The following TRAPPC9 variants were observed in gnomAD, a reference collection of about 807,000 sequenced individuals.
TRAPPC9 encodes trafficking protein particle complex subunit 9.
A neutral mutation model predicts 124.0 loss-of-function variants in TRAPPC9; 83 were observed. That is an observed-to-expected ratio of 0.67 (90% CI 0.56 to 0.80). The LOEUF is 0.80. TRAPPC9 is among the 30% of genes least tolerant of loss of function. The pLI is 0.00. For synonymous variants in TRAPPC9, 638 were observed against 617.5 expected (o/e 1.03, Z -0.49); for missense variants, 1,302 against 1,508.3 (o/e 0.86, Z 2.27).
At chr8:139,759,142 A>G (rs916252777) in intron 21 of TRAPPC9, among the ~76,000 whole-genome samples, 29 of 152,308 alleles carry the variant, frequency 1.9e-4, no homozygotes, top group Admixed American at 1.7e-3. Flanking sequence ...CCCATTTCAC[A>G]GATGAGGAAA....
At chr8:140,458,500 C>A (rs747759911), upstream of TRAPPC9, 2 of 1,578,728 alleles carry the variant, frequency 1.3e-6, no homozygotes, top group East Asian at 2.4e-5. Flanking sequence ...ACGTGAGGTG[C>A]GAGCCCCAGC....
intron 17 of TRAPPC9, among the ~76,000 whole-genome samples, chr8:140,149,653 C>T (rs1448758541): frequency 1.3e-5 from 2 of 151,838 alleles, no homozygotes; most frequent in South Asian, 2.1e-4. Context: ...TTATTCCCTG[C>T]GATTAGTGAC....
At chr8:139,803,450 T>C (rs890273021) in intron 21 of TRAPPC9, among the ~76,000 whole-genome samples, 7 of 152,198 alleles carry the variant, frequency 4.6e-5, no homozygotes, top group Non-Finnish European at 8.8e-5. Flanking sequence ...AGCCACCTCA[T>C]GCGGGAGCCC....
intron 19 of TRAPPC9, among the ~76,000 whole-genome samples, chr8:139,988,239 A>G (rs1165343584): frequency 1.3e-5 from 2 of 150,474 alleles, no homozygotes; most frequent in Non-Finnish European, 2.9e-5. Flanking sequence ...CAGCCTCCCG[A>G]GTAGCTGGGA....
intron 9 of TRAPPC9, among the ~76,000 whole-genome samples, chr8:140,335,174 G>T (rs1301318964): frequency 6.6e-6 from 1 of 152,130 alleles, no homozygotes; most frequent in African/African-American, 2.4e-5. Context: ...TTAAGGAAGA[G>T]AATGTGATTT....
intron 21 of TRAPPC9, among the ~76,000 whole-genome samples, chr8:139,736,800 C>T (rs1322669593): frequency 6.6e-6 from 1 of 152,212 alleles, no homozygotes; most frequent in Non-Finnish European, 1.5e-5. Flanking sequence ...TCCATTGTTG[C>T]CAATTCGCTT....
chr8:140,006,784 AG>A (rs1838785597), intron 18 of TRAPPC9, among the ~76,000 whole-genome samples: 1 of 152,200 alleles, frequency 6.6e-6, no homozygotes, highest in South Asian at 2.1e-4. Flanking sequence ...GAGAGACAGA[AG>A]GTAGATTAGT....
chr8:140,116,456 C>T (rs2060889719), intron 17 of TRAPPC9, among the ~76,000 whole-genome samples: 1 of 152,182 alleles, frequency 6.6e-6, no homozygotes, highest in Admixed American at 6.5e-5. Context: ...GCCAACTAAG[C>T]ACTCATTTTC....
intron 17 of TRAPPC9, among the ~76,000 whole-genome samples, chr8:140,051,330 C>G (rs905728015): frequency 6.6e-6 from 1 of 152,186 alleles, no homozygotes; most frequent in Non-Finnish European, 1.5e-5. Flanking sequence ...ATCTGAACCC[C>G]GGGGGTTCCT....
intron 17 of TRAPPC9, among the ~76,000 whole-genome samples, chr8:140,144,264 A>G (rs2061424037): frequency 6.6e-6 from 1 of 152,176 alleles, no homozygotes; most frequent in African/African-American, 2.4e-5. Flanking sequence ...CAATTCATCA[A>G]TAGAGAGTAA....
chr8:139,827,447 CT>C (rs1239557579), intron 21 of TRAPPC9, among the ~76,000 whole-genome samples: 1 of 152,242 alleles, frequency 6.6e-6, no homozygotes, highest in African/African-American at 2.4e-5. Context: ...TGGGAACCCC[CT>C]GATGGGGACT....
At chr8:140,099,292 G>A (rs1175896825) in intron 17 of TRAPPC9, 1 of 151,090 alleles carries the variant, frequency 6.6e-6, no homozygotes, top group Non-Finnish European at 1.5e-5. Flanking sequence ...TTCTGCAAGG[G>A]AGACACCCAG....
rs1333383745 is a variant in TRAPPC9, at chr8:139,788,413, C to T, written c.3056-56211G>A. The stretch of plus-strand genomic sequence containing the variant: ...CAAAACTGTTAACTATCAGGCAGGG[C>T]AAGGATGGCGGCTGCTGGGGAGGGA... On this transcript the variant is annotated intron_variant, in intron 21 of 22. Coordinates refer to ENST00000438773, the MANE Select transcript of TRAPPC9 (RefSeq NM_001160372.4). This position sits in a 1 kb window ranked among gnomAD's most constrained non-coding sequence, Gnocchi z 4.9. Among the ~76,000 whole-genome samples the T allele has an allele frequency of 6.6e-6, 1 of 152,218 alleles. No homozygotes were observed. Among genetic ancestry groups the T allele is most frequent in the African/African-American group, 2.4e-5 (1 of 41,438 alleles).
chr8:140,358,304 C>G (rs1176955614), intron 9 of TRAPPC9, among the ~76,000 whole-genome samples: 1 of 152,188 alleles, frequency 6.6e-6, no homozygotes, highest in African/African-American at 2.4e-5. Context: ...CTCCTGGGTT[C>G]AAGTTATTCT....
intron 21 of TRAPPC9, among the ~76,000 whole-genome samples, chr8:139,830,197 T>A (rs1009138361): frequency 1.3e-5 from 2 of 150,922 alleles, no homozygotes; most frequent in East Asian, 3.9e-4. Flanking sequence ...TACAAACACA[T>A]ACACACACAT....
intron 4 of TRAPPC9, among the ~76,000 whole-genome samples, chr8:140,430,505 C>T (rs1370375243): frequency 1.3e-5 from 2 of 152,212 alleles, no homozygotes; most frequent in East Asian, 1.9e-4. Context: ...ATGTTCTGCT[C>T]CGCCATGCCT....
chr8:139,778,849 A>G (rs1821576167), intron 21 of TRAPPC9, among the ~76,000 whole-genome samples: 1 of 152,214 alleles, frequency 6.6e-6, no homozygotes, highest in Admixed American at 6.5e-5. Flanking sequence ...GAGACAGGAA[A>G]AATAATTTAA....
Position 140,182,320 on chromosome 8 carries a change from A to G in TRAPPC9, c.2556+39139T>C, listed in dbSNP as rs1370524854. Among the ~76,000 whole-genome samples the G allele has an allele frequency of 6.6e-6, 1 of 151,472 alleles. No homozygotes were observed. Among genetic ancestry groups the G allele is most frequent in the Non-Finnish European group, 1.5e-5 (1 of 67,926 alleles). On this transcript the variant is annotated intron_variant, in intron 17 of 22. Coordinates refer to ENST00000438773, the MANE Select transcript of TRAPPC9 (RefSeq NM_001160372.4). This position sits in a 1 kb window ranked among gnomAD's most constrained non-coding sequence, Gnocchi z 4.0. ...TGGTCTATTCAACTGTTTTCTACAT[A>G]TTTCAACTAAAAAAAAAAAAAAATA...
chr8:139,870,381 C>A (rs1828823204), intron 21 of TRAPPC9, among the ~76,000 whole-genome samples: 1 of 152,168 alleles, frequency 6.6e-6, no homozygotes. Context: ...ATGGTTCCAA[C>A]ACAGAAGATA....
Sources: gnomAD v4.1 joint callset for allele counts (sites outside exome capture counted in the v4.1 genomes callset) on GRCh38, gnomAD v4.1.1 for gene constraint, Gnocchi (gnomAD v3.1) non-coding constraint, MANE v1.5 for transcripts, NCBI Gene and HGNC (gene_info 2026-07-23, HGNC 2026-07-21) for gene names.